Variants in ARHGAP42 observed in about 807,000 individuals in gnomAD.
The protein encoded by ARHGAP42 is Rho GTPase activating protein 42.
A neutral mutation model predicts 125.0 loss-of-function variants in ARHGAP42; 63 were observed. That is an observed-to-expected ratio of 0.50 (90% CI 0.41 to 0.62). The LOEUF (loss-of-function observed/expected upper bound fraction) is 0.62, where lower values mean the gene tolerates loss of function less well. Among genes scored for constraint, ARHGAP42 ranks in the 20% least tolerant of loss-of-function variants. ARHGAP42 has a pLI of 0.00. For missense variants in ARHGAP42, 766 were observed against 1,024.2 expected (o/e 0.75, Z 3.44); for synonymous variants, 339 against 351.0 (o/e 0.97, Z 0.38).
In ARHGAP42 at chr11:100,884,658, T is replaced by C. The variant is rs190882929; in HGVS notation, c.384+25033T>C. On this transcript the variant is annotated intron_variant, in intron 4 of 23. Coordinates refer to ENST00000298815, the MANE Select transcript of ARHGAP42 (RefSeq NM_152432.4). ...CACATTTCCTGATATTTAGTTCAGC[T>C]GCTGTCTCCTGCCTCCGTGTCCCCC... is the stretch of plus-strand genomic sequence containing the variant. Among the ~76,000 whole-genome samples the C allele has an allele frequency of 2.3e-3, 357 of 152,286 alleles. 1 individual carries two copies. The highest frequency in any genetic ancestry group is 8.1e-3 in the African/African-American group (338 of 41,566).
chr11:100,721,876 T>C (rs1187326624), intron 1 of ARHGAP42, among the ~76,000 whole-genome samples: 1 of 152,222 alleles, frequency 6.6e-6, no homozygotes, highest in Admixed American at 6.5e-5. Context: ...CTTCCAAGTT[T>C]TGGCAATATT....
At chr11:100,736,918 G>C (rs1862080423) in intron 1 of ARHGAP42, among the ~76,000 whole-genome samples, 1 of 152,196 alleles carries the variant, frequency 6.6e-6, no homozygotes, top group African/African-American at 2.4e-5. Flanking sequence ...ACCAGGGATA[G>C]AAGAACAAGG....
intron 1 of ARHGAP42, among the ~76,000 whole-genome samples, chr11:100,727,081 C>A (rs572153981): frequency 6.6e-6 from 1 of 152,172 alleles, no homozygotes; most frequent in South Asian, 2.1e-4. Context: ...GTTTGAAGAG[C>A]CATAGATGAA....
At chr11:100,908,262 G>C (rs1866803116) in intron 4 of ARHGAP42, among the ~76,000 whole-genome samples, 1 of 152,042 alleles carries the variant, frequency 6.6e-6, no homozygotes, top group South Asian at 2.1e-4. Flanking sequence ...CTTCATCTTT[G>C]GTACTTGCTT....
In ARHGAP42 at chr11:100,728,992, A is replaced by G. The variant is rs537179074; in HGVS notation, c.154+41160A>G. On this transcript the variant is annotated intron_variant, in intron 1 of 23. Transcript: ENST00000298815. ...CCATGTTGGCCAGGCTGGTCCTGAA[A>G]TCCTGGCCTCAGGTTATCTGCCCAC... is the stretch of plus-strand genomic sequence containing the variant. Among the ~76,000 whole-genome samples, 3 of 151,776 alleles carry G rather than the reference A, an allele frequency of 2.0e-5. No individual in the cohort carries two copies. In the East Asian group the frequency reaches 5.8e-4, roughly 30 times the overall value.
chr11:100,889,840 ACTTAACT>A (rs1475945948), intron 4 of ARHGAP42, among the ~76,000 whole-genome samples: 1 of 151,984 alleles, frequency 6.6e-6, no homozygotes, highest in Non-Finnish European at 1.5e-5. Flanking sequence ...TATATCCTTA[ACTTAACT>A]CTTGACCCAC....
chr11:100,980,017 TTAAGAA>T (rs1419715569), intron 22 of ARHGAP42, among the ~76,000 whole-genome samples: 3 of 152,332 alleles, frequency 2.0e-5, no homozygotes, highest in Admixed American at 2.0e-4. Context: ...GTGATAGTTA[TTAAGAA>T]TAACAATAAC....
At chr11:100,699,526 T>A (rs868685818) in intron 1 of ARHGAP42, among the ~76,000 whole-genome samples, 88 of 100,500 alleles carry the variant, frequency 8.8e-4, no homozygotes, top group Non-Finnish European at 1.3e-3. Context: ...TTTTTTTTTT[T>A]TTTTTTTTTT....
At chr11:100,753,291 A>G (rs1862500787) in intron 1 of ARHGAP42, among the ~76,000 whole-genome samples, 2 of 152,290 alleles carry the variant, frequency 1.3e-5, no homozygotes, top group African/African-American at 4.8e-5. Context: ...GCTCCCATGC[A>G]CTTGATAAGG....
At chr11:100,722,018 G>A (rs888265288) in intron 1 of ARHGAP42, among the ~76,000 whole-genome samples, 1 of 152,158 alleles carries the variant, frequency 6.6e-6, no homozygotes, top group African/African-American at 2.4e-5. Context: ...GTAAGAAACT[G>A]CCAAACTTTT....
Position 100,687,601 on chromosome 11 carries a change from C to G in ARHGAP42, c.-78C>G. On this transcript the variant is annotated 5_prime_UTR_variant, in exon 1 of 24. Transcript: ENST00000298815. ...CCCCGCGATCGCGCGACCCCAGCGC[C>G]CGCCGCGGCCGCCGGCTGCCCCCGC... 8.7e-7 allele frequency: 1 copy of G among 1,149,926 alleles called. No individual in the cohort carries two copies. Among genetic ancestry groups the G allele is most frequent in the Non-Finnish European group, 1.1e-6 (1 of 925,614 alleles). 71.2% of individuals were successfully genotyped at this position (1,149,926 alleles called of 1,614,324 possible).
intron 4 of ARHGAP42, among the ~76,000 whole-genome samples, chr11:100,869,193 T>G (rs569921518): frequency 6.6e-6 from 1 of 152,138 alleles, no homozygotes; most frequent in East Asian, 1.9e-4. Context: ...CTAATAACAC[T>G]ATACAACTTA....
chr11:100,837,610 A>G (rs1327843425), intron 3 of ARHGAP42, among the ~76,000 whole-genome samples: 1 of 145,720 alleles, frequency 6.9e-6, no homozygotes, highest in Non-Finnish European at 1.5e-5. Context: ...ATTTTATAAC[A>G]AGGGGAGAGG....
intron 17 of ARHGAP42, among the ~76,000 whole-genome samples, chr11:100,966,007 G>T (rs1238244186): frequency 6.6e-6 from 1 of 152,022 alleles, no homozygotes; most frequent in Non-Finnish European, 1.5e-5. Flanking sequence ...CTTTGCAATT[G>T]TTAAACTAAT....
chr11:100,772,844 T>G (rs1863014831), intron 2 of ARHGAP42, among the ~76,000 whole-genome samples: 1 of 152,206 alleles, frequency 6.6e-6, no homozygotes, highest in Non-Finnish European at 1.5e-5. Context: ...ACTTAGTTGT[T>G]TATTTATTTT....
chr11:100,967,522 A>G (rs548143523), intron 17 of ARHGAP42, among the ~76,000 whole-genome samples: 10 of 152,260 alleles, frequency 6.6e-5, no homozygotes, highest in African/African-American at 2.2e-4. Context: ...AAATTTGCCA[A>G]TCGATGTTTT....
intron 2 of ARHGAP42, among the ~76,000 whole-genome samples, chr11:100,794,413 T>A (rs751029164): frequency 3.4e-4 from 52 of 152,310 alleles, no homozygotes; most frequent in Non-Finnish European, 5.9e-4. Context: ...ACAGATAGTT[T>A]TCTAAAGCAG....
At position 100,718,585 on chromosome 11, in the gene ARHGAP42, T is replaced by C. The variant is rs1321561724; in HGVS notation, c.154+30753T>C. ...TCAAACACACCACGAATAGAAAAAT[T>C]AAAGTTACATATAGGTAGGGAAATG... is the stretch of plus-strand genomic sequence containing the variant. On this transcript the variant is annotated intron_variant, in intron 1 of 23. Coordinates refer to ENST00000298815, the MANE Select transcript of ARHGAP42 (RefSeq NM_152432.4). Among the ~76,000 whole-genome samples, 14 of 152,238 alleles carry C rather than the reference T, an allele frequency of 9.2e-5. No individual in the cohort carries two copies. The South Asian group carries it at 2.9e-3, about 32-fold the overall frequency.
chr11:100,702,466 A>G (rs1208909509), intron 1 of ARHGAP42, among the ~76,000 whole-genome samples: 1 of 152,132 alleles, frequency 6.6e-6, no homozygotes, highest in African/African-American at 2.4e-5. Context: ...TATTGTGAGA[A>G]TCACCAAAAT....
Sources: gnomAD v4.1 joint callset for allele counts (sites outside exome capture counted in the v4.1 genomes callset) on GRCh38, gnomAD v4.1.1 for gene constraint, MANE v1.5 for transcripts, NCBI Gene and HGNC (gene_info 2026-07-23, HGNC 2026-07-21) for gene names.